The following MYOM1 variants were observed in gnomAD, a reference collection of about 807,000 sequenced individuals.
MYOM1 encodes the protein myomesin 1.
MYOM1 carries 164 observed loss-of-function variants against 205.3 expected under a neutral mutation model. That is an observed-to-expected ratio of 0.80 (90% confidence interval 0.70 to 0.91). MYOM1 has a LOEUF of 0.91. MYOM1 is among the 40% of genes least tolerant of loss of function. The probability of loss-of-function intolerance (pLI) is 0.00; values close to 1 mark genes in which losing one functional copy is unlikely to be tolerated. For synonymous variants in MYOM1, 772 were observed against 789.4 expected (o/e 0.98, Z 0.37); for missense variants, 2,011 against 2,127.3 (o/e 0.95, Z 1.08).
Position 3,219,312 on chromosome 18 carries a change from G to A in MYOM1, c.-29+491C>T, listed in dbSNP as rs1214589179. ...ACCATTTGAGGCCATATCATTGTGCGCGCTCACATTTATCCACATTGCATC... is the reference window on the plus strand; with the variant it reads ...ACCATTTGAGGCCATATCATTGTGCACGCTCACATTTATCCACATTGCATC... On this transcript the variant is annotated intron_variant, in intron 1 of 37. Transcript: ENST00000356443. The surrounding 1 kb of genome is among the most constrained non-coding windows in gnomAD (Gnocchi z 4.4). Among the ~76,000 whole-genome samples, 2 of 151,928 alleles carry A rather than the reference G, an allele frequency of 1.3e-5. No homozygotes were observed. The highest frequency in any genetic ancestry group is 2.4e-5 in the African/African-American group (1 of 41,362).
intron 10 of MYOM1, among the ~76,000 whole-genome samples, chr18:3,157,680 AAATAATAATAATAAT>A (rs55669820): frequency 1.4e-3 from 199 of 139,712 alleles, no homozygotes; most frequent in Admixed American, 6.6e-3. Context: ...TTGTCTCCAA[AAATAATAATAATAAT>A]AATAATAATA....
rs1252977929 is a variant in MYOM1, at chr18:3,089,226, T to G, written c.4085A>C (p.Glu1362Ala). 1 of 1,611,584 alleles carries G rather than the reference T, an allele frequency of 6.2e-7. No homozygotes were observed. Among genetic ancestry groups the G allele is most frequent in the Non-Finnish European group, 8.5e-7 (1 of 1,178,346 alleles). Reference sequence around the variant, plus strand: ...ACCAGTCACTTCCCAGCTCAAATACTCAACAAAGTGAGGACCTATAAAATT... The same window carrying G: ...ACCAGTCACTTCCCAGCTCAAATACGCAACAAAGTGAGGACCTATAAAATT... ...WIRKQGPHFV[E>A]YLSWEVTGEC... Residue 1362 changes from glutamate (E) to alanine (A), a missense_variant, in exon 29 of 38, where the codon GAG becomes GCG. Physicochemically the swap from Glu to Ala is moderately radical, Grantham distance 107. Coordinates refer to ENST00000356443, the MANE Select transcript of MYOM1 (RefSeq NM_003803.4).
chr18:3,169,425 A>G (rs1308912461), intron 8 of MYOM1, among the ~76,000 whole-genome samples: 1 of 152,228 alleles, frequency 6.6e-6, no homozygotes, highest in Non-Finnish European at 1.5e-5. Flanking sequence ...GGGATTAATA[A>G]CCAGAATTTA....
rs143858890 is a variant in MYOM1, at chr18:3,176,910, T to A, written c.930-776A>T. ...AAAAAAAAATTTGCAGTATATAATATGCACACTTTTTGTGTGCATGTTATA... is the reference window on the plus strand; with the variant it reads ...AAAAAAAAATTTGCAGTATATAATAAGCACACTTTTTGTGTGCATGTTATA... On this transcript the variant is annotated intron_variant, in intron 5 of 37. Transcript: ENST00000356443. Among the ~76,000 whole-genome samples, 27 of 150,978 alleles carry A rather than the reference T, an allele frequency of 1.8e-4. 1 individual carries two copies. The highest frequency in any genetic ancestry group is 6.6e-4 in the African/African-American group (27 of 41,056).
chr18:3,215,022 A>AGGAGGC lies in MYOM1; in HGVS notation c.196_201dup (p.Ala66_Ser67dup). ...TGCTGCGAGGCCTGCTGCTGGGAGGAGGAGGCGGACGCCCGACGGAAGGCC... is the reference window on the plus strand; with the variant it reads ...TGCTGCGAGGCCTGCTGCTGGGAGGAGGAGGCGGAGGCGGACGCCCGACGGAAGGCC... On this transcript the variant is annotated inframe_insertion, in exon 2 of 38. Transcript: ENST00000356443. 1 of 1,612,330 alleles carries AGGAGGC rather than the reference A, an allele frequency of 6.2e-7. No individual in the cohort carries two copies. The highest frequency in any genetic ancestry group is 8.5e-7 in the Non-Finnish European group (1 of 1,179,222).
At chr18:3,136,560 G>A (rs1342295487) in intron 14 of MYOM1, among the ~76,000 whole-genome samples, 1 of 151,940 alleles carries the variant, frequency 6.6e-6, no homozygotes, top group Non-Finnish European at 1.5e-5. Flanking sequence ...CCAAGTAGTT[G>A]GGACTACAGG....
chr18:3,240,868 G>A, the MYOM1 span, among the ~76,000 whole-genome samples: 1 of 152,218 alleles, frequency 6.6e-6, no homozygotes, highest in African/African-American at 2.4e-5. Flanking sequence ...ATGGAGATGA[G>A]GAACTTGTTG....
intron 13 of MYOM1, among the ~76,000 whole-genome samples, chr18:3,147,369 T>A (rs1001374532): frequency 6.6e-6 from 1 of 151,614 alleles, no homozygotes; most frequent in African/African-American, 2.4e-5. Flanking sequence ...GTGAGAGAAA[T>A]GAAAACAAAG....
chr18:3,107,940 T>A (rs2079472990), intron 22 of MYOM1, among the ~76,000 whole-genome samples: 1 of 152,246 alleles, frequency 6.6e-6, no homozygotes, highest in Non-Finnish European at 1.5e-5. Flanking sequence ...AGATGTTATG[T>A]GGCCAGAGGT....
rs77757886 is a variant in MYOM1 at position 3,116,878 on chromosome 18, A to G, written c.3119-363T>C. 8.8e-3 allele frequency among the ~76,000 whole-genome samples: 1,342 copies of G among 152,166 alleles called. 24 individuals carry two copies. The highest frequency in any genetic ancestry group is 0.029 in the African/African-American group (1,217 of 41,506). On this transcript the variant is annotated intron_variant, in intron 20 of 37. Transcript: ENST00000356443. Reference sequence around the variant, plus strand: ...TATTTTTTGATTTTTATTTTTAGACACAGGGTTTTGCCCTGTTACCCAGGC... The same window carrying G: ...TATTTTTTGATTTTTATTTTTAGACGCAGGGTTTTGCCCTGTTACCCAGGC...
chr18:3,203,323 CAAT>C (rs1255832080), intron 2 of MYOM1, among the ~76,000 whole-genome samples: 2 of 150,536 alleles, frequency 1.3e-5, no homozygotes, highest in Non-Finnish European at 3.0e-5. Context: ...AACAGAAAAA[CAAT>C]AAAATTAATG....
chr18:3,232,379 A>G, the MYOM1 span, among the ~76,000 whole-genome samples: 2,228 of 152,240 alleles, frequency 0.015, 38 homozygotes, highest in Non-Finnish European at 0.022. Flanking sequence ...TAACCACTTT[A>G]CTAGTCAAAA....
intron 2 of MYOM1, among the ~76,000 whole-genome samples, chr18:3,208,607 T>C (rs2144235693): frequency 6.6e-6 from 1 of 152,344 alleles, no homozygotes; most frequent in East Asian, 1.9e-4. Flanking sequence ...CCTCTGAACT[T>C]CTACCGTTCA....
rs773263720 is a variant in MYOM1 at position 3,067,414 on chromosome 18, C to T, written c.4906G>A (p.Val1636Met). Residue 1636 changes from valine (V) to methionine (M), a missense_variant, in exon 38 of 38, where the codon GTG becomes ATG. Val to Met is a conservative substitution (Grantham distance 21). Transcript: ENST00000356443. ...GRTAYFTING[V>M]STADSGKYGL... ...TATTTGCCCGAGTCAGCGGTGCTCACGCCGTTGATGGTGAAGTACGCGGTC... is the reference window on the plus strand; with the variant it reads ...TATTTGCCCGAGTCAGCGGTGCTCATGCCGTTGATGGTGAAGTACGCGGTC... 8.1e-6 allele frequency: 13 copies of T among 1,613,444 alleles called. No individual in the cohort carries two copies. The highest frequency in any genetic ancestry group is 5.5e-5 in the South Asian group (5 of 91,058).
chr18:3,216,215 C>T (rs1598780110), intron 1 of MYOM1, among the ~76,000 whole-genome samples: 1 of 152,134 alleles, frequency 6.6e-6, no homozygotes, highest in South Asian at 2.1e-4. Flanking sequence ...TGCAGTGAGC[C>T]GAGGTTGCGC....
At chr18:3,180,313 T>G (rs1228428309) in intron 5 of MYOM1, among the ~76,000 whole-genome samples, 1 of 152,108 alleles carries the variant, frequency 6.6e-6, no homozygotes, top group Non-Finnish European at 1.5e-5. Context: ...ACACCACACA[T>G]CACTTTGACT....
chr18:3,083,220 C>T (rs2079105241), intron 33 of MYOM1, among the ~76,000 whole-genome samples: 1 of 152,082 alleles, frequency 6.6e-6, no homozygotes, highest in South Asian at 2.1e-4. Context: ...TGACTGGCCT[C>T]AGCATGTACA....
chr18:3,131,534 G>C (rs1266891714), intron 16 of MYOM1, 38 bp from the exon 17 acceptor site: 2 of 1,572,816 alleles, frequency 1.3e-6, no homozygotes, highest in Non-Finnish European at 1.7e-6. Context: ...TTTCCTAGGA[G>C]GAAGATTAAG....
chr18:3,164,158 G>T, intron 10 of MYOM1, 120 bp downstream of exon 10: 1 of 1,158,916 alleles, frequency 8.6e-7, no homozygotes, highest in Non-Finnish European at 1.2e-6. Context: ...CACCCTGCCA[G>T]AATTTTGAAA....
Sources: allele counts gnomAD v4.1 joint callset (sites outside exome capture counted in the v4.1 genomes callset), GRCh38; gene constraint gnomAD v4.1.1; non-coding constraint Gnocchi (gnomAD v3.1); transcripts MANE v1.5; gene names NCBI Gene and HGNC (gene_info 2026-07-23, HGNC 2026-07-21).